BCAM: variants seen among roughly 807,000 people sequenced by gnomAD.
BCAM encodes basal cell adhesion molecule (Lutheran blood group).
Under a neutral mutation model 72.4 loss-of-function variants are expected in BCAM, and 61 were observed. The observed-to-expected ratio is 0.84, with a 90% CI of 0.69 to 1.04. The LOEUF is 1.04. Ranked by LOEUF, BCAM falls within the 50% of genes least tolerant of loss-of-function variation. The pLI, the probability that BCAM is intolerant of heterozygous loss-of-function variation, is 0.00. For missense variants in BCAM, 909 were observed against 895.0 expected, an observed-to-expected ratio of 1.02 and a Z score of -0.20; for synonymous variants, 408 against 384.2, an observed-to-expected ratio of 1.06 and a Z score of -0.73.
chr19:44,819,908 C>G lies in BCAM; in HGVS notation c.1763+182C>G, dbSNP rs1309469848. 7.2e-6 allele frequency: 10 copies of G among 1,387,014 alleles called. No individual in the cohort carries two copies. The African/African-American group carries it at 1.3e-4, about 18-fold the overall frequency. 85.9% of individuals were successfully genotyped at this position (1,387,014 alleles called of 1,614,324 possible). A position where few individuals can be genotyped will look rare whatever the true frequency, so the allele number is the denominator to read the frequency against. On this transcript the variant is annotated intron_variant, in intron 13 of 14. Transcript: ENST00000270233. ...CCCCAAACCCAGCCCCAGACTAATCCACAGCCATCCCCAACTCATCCTCAT... is the reference window on the plus strand; with the variant it reads ...CCCCAAACCCAGCCCCAGACTAATCGACAGCCATCCCCAACTCATCCTCAT...
In BCAM at chr19:44,813,364, G is replaced by A. The variant is rs372924909; in HGVS notation, c.601+18G>A. ...GAACCCAGGTGAGCAGCGCAGGAGC[G>A]CGGCGGGACGTGGGCTGGGGTGGGT... is the stretch of plus-strand genomic sequence containing the variant. On this transcript the variant is annotated intron_variant, in intron 5 of 14. Transcript: ENST00000270233. This position sits in a 1 kb window ranked among gnomAD's most constrained non-coding sequence, Gnocchi z 4.2. The A allele has an allele frequency of 3.2e-5, 51 of 1,611,670 alleles. No homozygotes were observed. Among genetic ancestry groups the A allele is most frequent in the Middle Eastern group, 1.6e-4 (1 of 6,078 alleles).
Position 44,814,326 on chromosome 19 carries a change from A to C in BCAM, c.921+38A>C. The C allele has an allele frequency of 6.4e-7, 1 of 1,567,460 alleles. No homozygotes were observed. Among genetic ancestry groups the C allele is most frequent in the Non-Finnish European group, 8.6e-7 (1 of 1,167,338 alleles). On this transcript the variant is annotated intron_variant, in intron 7 of 14. Transcript: ENST00000270233. The surrounding 1 kb of genome is among the most constrained non-coding windows in gnomAD (Gnocchi z 4.6). ...AGGGTCCCTCTGGGATCCACCCCCC[A>C]GCCCCTGACCTCTGTGACCTGCTAA...
chr19:44,812,595 G>T lies in BCAM; in HGVS notation c.504+47G>T. The T allele has an allele frequency of 1.2e-6, 2 of 1,606,834 alleles. No homozygotes were observed. Among genetic ancestry groups the T allele is most frequent in the Middle Eastern group, 1.7e-4 (1 of 6,018 alleles). ...GCCCCAGGGTCCTGGAGGAGGAGGGGACAGGGCCCTGGACTCCTGGGTCTG... is the reference window on the plus strand; with the variant it reads ...GCCCCAGGGTCCTGGAGGAGGAGGGTACAGGGCCCTGGACTCCTGGGTCTG... On this transcript the variant is annotated intron_variant, in intron 4 of 14. Transcript: ENST00000270233. The surrounding 1 kb of genome is among the most constrained non-coding windows in gnomAD (Gnocchi z 5.3).
chr19:44,814,526 C>T lies in BCAM; in HGVS notation c.922-78C>T. 6.4e-7 allele frequency: 1 copy of T among 1,552,434 alleles called. No individual in the cohort carries two copies. The highest frequency in any genetic ancestry group is 1.2e-5 in the South Asian group (1 of 81,836). The stretch of plus-strand genomic sequence containing the variant: ...GATTCTGGCTTAGCATGACACTAAC[C>T]TGGTGGCTTCTGACCTAGCATGAGC... On this transcript the variant is annotated intron_variant, in intron 7 of 14. Transcript: ENST00000270233. The surrounding 1 kb of genome is among the most constrained non-coding windows in gnomAD (Gnocchi z 4.6).
rs769602740 is a variant in BCAM, at chr19:44,819,066, G to A, written c.1347G>A (p.Glu449=). 2 of 1,613,936 alleles carry A rather than the reference G, an allele frequency of 1.2e-6. No homozygotes were observed. The highest frequency in any genetic ancestry group is 2.2e-5 in the South Asian group (2 of 91,076). Residue 449 remains glutamate (E), a synonymous_variant, in exon 11 of 15, where the codon GAG becomes GAA. Coordinates refer to ENST00000270233, the MANE Select transcript of BCAM (RefSeq NM_005581.5). Reference sequence around the variant, plus strand: ...CCCCACCACCCACAGGCTCGCCAGAGCTAAAGACAGCGGAAATAGAGCCCA... The same window carrying A: ...CCCCACCACCCACAGGCTCGCCAGAACTAAAGACAGCGGAAATAGAGCCCA... ...NFTLLVQGSP[E]LKTAEIEPKA... is the part of the protein sequence containing the mutation.
rs148501359 is a variant in BCAM at position 44,812,195 on chromosome 19, C to T, written c.237C>T (p.Ala79=). Residue 79 remains alanine, a synonymous_variant, in exon 3 of 15, where the codon GCC becomes GCT. Coordinates refer to ENST00000270233, the MANE Select transcript of BCAM (RefSeq NM_005581.5). The surrounding 1 kb of genome is among the most constrained non-coding windows in gnomAD (Gnocchi z 5.3). ...GCTCGGGAGCTCGCCCCCGCCTAGC[C>T]TCGGCTGAGATGCAGGGCTCTGAGC... ...TDRSGARPRL[A]SAEMQGSELQ... is the part of the protein sequence containing the mutation. The T allele has an allele frequency of 9.1e-5, 146 of 1,605,108 alleles. No individual in the cohort carries two copies. In the African/African-American group the frequency reaches 1.8e-3, roughly 20 times the overall value.
At position 44,820,960 on chromosome 19, in the gene BCAM, TG is replaced by T; in HGVS notation, c.*40del. The T allele has an allele frequency of 1.3e-6, 2 of 1,538,056 alleles. No homozygotes were observed. The highest frequency in any genetic ancestry group is 1.8e-6 in the Non-Finnish European group (2 of 1,142,510). ...TAGAGGCTGTCCCTGGACCTGGAGCTGCAGGCATCAGAGAACCAGCCCTGCT... is the reference window on the plus strand; with the variant it reads ...TAGAGGCTGTCCCTGGACCTGGAGCTCAGGCATCAGAGAACCAGCCCTGCT... On this transcript the variant is annotated 3_prime_UTR_variant, in exon 15 of 15. Transcript: ENST00000270233.
In BCAM at chr19:44,820,978, A is replaced by G; in HGVS notation, c.*57A>G. 6.6e-7 allele frequency: 1 copy of G among 1,508,088 alleles called. No homozygotes were observed. The highest frequency in any genetic ancestry group is 1.3e-5 in the South Asian group (1 of 77,692). 93.4% of individuals were successfully genotyped at this position (1,508,088 alleles called of 1,614,324 possible). A position where few individuals can be genotyped will look rare whatever the true frequency, so the allele number is the denominator to read the frequency against. The stretch of plus-strand genomic sequence containing the variant: ...CTGGAGCTGCAGGCATCAGAGAACC[A>G]GCCCTGCTCACGCCATGCCCGCCCC... On this transcript the variant is annotated 3_prime_UTR_variant, in exon 15 of 15. Coordinates refer to ENST00000270233, the MANE Select transcript of BCAM (RefSeq NM_005581.5).
At chr19:44,815,990 C>T (rs1293692345) in intron 8 of BCAM, among the ~76,000 whole-genome samples, 2 of 151,942 alleles carry the variant, frequency 1.3e-5, no homozygotes, top group African/African-American at 2.4e-5. Flanking sequence ...CCAGCCTGAG[C>T]GACAGAGAAA....
At position 44,818,868 on chromosome 19, in the gene BCAM, C is replaced by G; in HGVS notation, c.1322C>G (p.Thr441Arg). Residue 441 changes from threonine (T) to arginine (R), a missense_variant, in exon 10 of 15, where the codon ACG becomes AGG. Coordinates refer to ENST00000270233, the MANE Select transcript of BCAM (RefSeq NM_005581.5). The surrounding 1 kb of genome is among the most constrained non-coding windows in gnomAD (Gnocchi z 4.6). ...VPVLSRTQNF[T>R]LLVQGSPELK... ...GTCCTCAGCCGCACCCAGAACTTCA[C>G]GCTGCTGGTCCAAGGTTCAGGGGGC... The G allele has an allele frequency of 6.2e-7, 1 of 1,613,996 alleles. No individual in the cohort carries two copies. Among genetic ancestry groups the G allele is most frequent in the African/African-American group, 1.3e-5 (1 of 75,038 alleles).
chr19:44,819,523 G>A, intron 12 of BCAM, 33 bp downstream of exon 12: 1 of 1,613,596 alleles, frequency 6.2e-7, no homozygotes, highest in Non-Finnish European at 8.5e-7. Flanking sequence ...GAGGAGCCGG[G>A]TGTGGGGCAG....
chr19:44,817,438 C>T (rs1599887847), intron 8 of BCAM, among the ~76,000 whole-genome samples: 1 of 151,998 alleles, frequency 6.6e-6, no homozygotes. Flanking sequence ...GACCAGGCAG[C>T]ATCTTTTAGG....
At chr19:44,820,645 C>A (rs1440246658) in intron 13 of BCAM, 60 bp from the exon 14 acceptor site, 27 of 1,206,552 alleles carry the variant, frequency 2.2e-5, no homozygotes, top group Non-Finnish European at 3.1e-6. Flanking sequence ...ATCCTCAGTT[C>A]CTCCCCCTGC....
At position 44,819,925 on chromosome 19, in the gene BCAM, C is replaced by CAGCCCCAGACTA. The variant is rs1968561783; in HGVS notation, c.1763+200_1763+201insGCCCCAGACTAA. 7.5e-5 allele frequency: 24 copies of CAGCCCCAGACTA among 318,254 alleles called. No homozygotes were observed. The Admixed American group carries it at 1.3e-3, about 17-fold the overall frequency. The allele number at this position is 318,254 out of a possible 1,614,324, so 19.7% of individuals were successfully genotyped here. On this transcript the variant is annotated intron_variant, in intron 13 of 14. Coordinates refer to ENST00000270233, the MANE Select transcript of BCAM (RefSeq NM_005581.5). Reference sequence around the variant, plus strand: ...GACTAATCCACAGCCATCCCCAACTCATCCTCATCCCCAACTGCAGCCCCA... The same window carrying CAGCCCCAGACTA: ...GACTAATCCACAGCCATCCCCAACTCAGCCCCAGACTAATCCTCATCCCCAACTGCAGCCCCA...
At chr19:44,820,535 G>A in intron 13 of BCAM, 170 bp from the exon 14 acceptor site, 1 of 1,277,000 alleles carries the variant, frequency 7.8e-7, no homozygotes, top group African/African-American at 1.6e-5. Flanking sequence ...CCTAACCCCA[G>A]TGCCATTACC....
At chr19:44,819,287 T>TCTGCCCTTGACCCCACCC (rs1231186643) in intron 11 of BCAM, 59 bp from the exon 12 acceptor site, 1 of 1,611,894 alleles carries the variant, frequency 6.2e-7, no homozygotes, top group African/African-American at 1.3e-5. Flanking sequence ...GTCGTTCACC[T>TCTGCCCTTGACCCCACCC]CTGCCCTTGA....
Position 44,820,754 on chromosome 19 carries a change from C to A in BCAM, c.1813C>A (p.Gln605Lys). 6.7e-7 allele frequency: 1 copy of A among 1,497,302 alleles called. No homozygotes were observed. Among genetic ancestry groups the A allele is most frequent in the Non-Finnish European group, 8.9e-7 (1 of 1,118,580 alleles). 92.8% of individuals were successfully genotyped at this position (1,497,302 alleles called of 1,614,324 possible). A position where few individuals can be genotyped will look rare whatever the true frequency, so the allele number is the denominator to read the frequency against. ...CCACTCGGGGTCGGAGCAACCAGAG[C>A]AGACCGGCCTTCTCATGGGAGGTGC... ...LSHSGSEQPEQTGLLMGGASG... is the reference protein window; with the variant it reads ...LSHSGSEQPEKTGLLMGGASG... The change falls in exon 14 of 15, where the codon CAG becomes AAG. Residue 605 changes from glutamine to lysine, a missense_variant. Physicochemically the swap from Gln to Lys is moderately conservative, Grantham distance 53 (BLOSUM62 1). Transcript: ENST00000270233.
Position 44,812,122 on chromosome 19 carries a change from G to A in BCAM, c.205-41G>A, listed in dbSNP as rs756288400. 6 of 1,541,302 alleles carry A rather than the reference G, an allele frequency of 3.9e-6. No individual in the cohort carries two copies. The highest frequency in any genetic ancestry group is 2.4e-5 in the East Asian group (1 of 42,520). On this transcript the variant is annotated intron_variant, in intron 2 of 14. Coordinates refer to ENST00000270233, the MANE Select transcript of BCAM (RefSeq NM_005581.5). This position sits in a 1 kb window ranked among gnomAD's most constrained non-coding sequence, Gnocchi z 5.3. ...CCCAGAGAGAGAGAGACTGAGGAGC[G>A]CTGGGACACCCGGAGCTGAGAGCCT...
At chr19:44,820,289 T>C in intron 13 of BCAM, 1 of 1,009,704 alleles carries the variant, frequency 9.9e-7, no homozygotes, top group Non-Finnish European at 1.2e-6. Flanking sequence ...ACCCTAGTCC[T>C]CCACCGTCCC....
Sources: allele counts gnomAD v4.1 joint callset (sites outside exome capture counted in the v4.1 genomes callset), GRCh38; gene constraint gnomAD v4.1.1; non-coding constraint Gnocchi (gnomAD v3.1); transcripts MANE v1.5; gene names NCBI Gene and HGNC (gene_info 2026-07-23, HGNC 2026-07-21).